EXOC6: variants seen among roughly 807,000 people sequenced by gnomAD.
EXOC6 encodes the protein SEC15-like 1.
EXOC6 carries 60 observed loss-of-function variants against 112.5 expected under a neutral mutation model. The observed-to-expected ratio is 0.53, with a 90% CI of 0.43 to 0.66. EXOC6 has a LOEUF of 0.66. Among genes scored for constraint, EXOC6 ranks in the 30% least tolerant of loss-of-function variants. The pLI is 0.00. For synonymous variants in EXOC6, 295 were observed against 308.0 expected, an observed-to-expected ratio of 0.96 and a Z score of 0.44; for missense variants, 855 against 957.1, an observed-to-expected ratio of 0.89 and a Z score of 1.41.
At chr10:92,874,249 G>A (rs887109813) in intron 1 of EXOC6, among the ~76,000 whole-genome samples, 2 of 151,990 alleles carry the variant, frequency 1.3e-5, no homozygotes, top group African/African-American at 4.8e-5. Flanking sequence ...CAATATTGTT[G>A]GTGTTGTGAA....
At chr10:92,946,189 A>G (rs1168310650) in intron 13 of EXOC6, among the ~76,000 whole-genome samples, 1 of 152,054 alleles carries the variant, frequency 6.6e-6, no homozygotes, top group Non-Finnish European at 1.5e-5. Context: ...CCAGCTGCTC[A>G]GGAGGCTGAG....
At chr10:93,010,726 C>T (rs1590035183) in intron 19 of EXOC6, among the ~76,000 whole-genome samples, 1 of 150,588 alleles carries the variant, frequency 6.6e-6, no homozygotes, top group Admixed American at 6.6e-5. Flanking sequence ...AAAATGGACT[C>T]GGCAACTTTT....
intron 5 of EXOC6, among the ~76,000 whole-genome samples, chr10:92,903,141 G>T (rs1850263173): frequency 6.6e-6 from 1 of 151,722 alleles, no homozygotes; most frequent in Admixed American, 6.6e-5. Context: ...AATATGATTT[G>T]AAAAATAGAC....
chr10:92,898,429 C>CAAA (rs11187205), intron 4 of EXOC6, among the ~76,000 whole-genome samples: 1 of 137,302 alleles, frequency 7.3e-6, no homozygotes, highest in Non-Finnish European at 1.6e-5. Flanking sequence ...GACCTTGTCT[C>CAAA]AAAAAAAAAA....
chr10:92,906,103 C>T (rs1377771006), intron 5 of EXOC6, among the ~76,000 whole-genome samples: 1 of 152,042 alleles, frequency 6.6e-6, no homozygotes, highest in Admixed American at 6.5e-5. Flanking sequence ...TTCGTTATCC[C>T]TAATAATTTT....
chr10:92,833,652 C>T (rs552529758), upstream of EXOC6, among the ~76,000 whole-genome samples: 10 of 151,946 alleles, frequency 6.6e-5, no homozygotes, highest in African/African-American at 2.4e-4. Context: ...GAACAAACGT[C>T]AATTTTTGGT....
intron 20 of EXOC6, among the ~76,000 whole-genome samples, chr10:93,052,607 A>G (rs1846351583): frequency 6.6e-6 from 1 of 152,232 alleles, no homozygotes; most frequent in Non-Finnish European, 1.5e-5. Flanking sequence ...ATTTCAGATA[A>G]TCTTACAAAT....
rs549156247 is a variant in EXOC6 at position 92,975,299 on chromosome 10, C to T, written c.1953+1067C>T. ...GAGGAGCGTCTCTGCTCGGCCGCCC[C>T]GTCTGAGAAGTGAGGAGACCCTCTG... On this transcript the variant is annotated intron_variant, in intron 18 of 21. Transcript: ENST00000260762. 3.3e-5 allele frequency among the ~76,000 whole-genome samples: 5 copies of T among 151,428 alleles called. No homozygotes were observed. The South Asian group carries it at 6.2e-4, about 19-fold the overall frequency.
chr10:92,940,588 A>G, intron 12 of EXOC6, 139 bp from the exon 13 acceptor site: 1 of 605,448 alleles, frequency 1.7e-6, no homozygotes, highest in Admixed American at 3.2e-5. Context: ...GTCAAAATGT[A>G]TCTTTTTTTT....
intron 1 of EXOC6, among the ~76,000 whole-genome samples, chr10:92,890,914 A>T (rs1849467739): frequency 1.3e-5 from 2 of 152,214 alleles, no homozygotes. Context: ...TTAGGTTTTA[A>T]TGGGACAATT....
intron 1 of EXOC6, among the ~76,000 whole-genome samples, chr10:92,871,452 T>C (rs912434934): frequency 3.3e-5 from 5 of 150,458 alleles, no homozygotes; most frequent in Admixed American, 6.6e-5. Flanking sequence ...TGAGCTGTGA[T>C]TGTGTTCCTG....
intron 1 of EXOC6, among the ~76,000 whole-genome samples, chr10:92,851,208 A>G (rs1847314871): frequency 1.3e-5 from 2 of 152,252 alleles, no homozygotes; most frequent in Non-Finnish European, 2.9e-5. Context: ...GAAATTCAGA[A>G]GAGTGGAAGA....
At chr10:92,887,680 C>T (rs1455791926) in intron 1 of EXOC6, among the ~76,000 whole-genome samples, 8 of 152,128 alleles carry the variant, frequency 5.3e-5, no homozygotes, top group Admixed American at 5.2e-4. Flanking sequence ...GCTGGGATTA[C>T]AGGAGTGAGC....
chr10:92,955,369 GGTGT>G (rs746305692), intron 16 of EXOC6, among the ~76,000 whole-genome samples: 2 of 147,352 alleles, frequency 1.4e-5, no homozygotes, highest in Non-Finnish European at 3.0e-5. Context: ...TTAGACTCTT[GGTGT>G]GTGTGTGTGT....
chr10:92,834,962 G>A, intron 1 of EXOC6: 1 of 450,796 alleles, frequency 2.2e-6, no homozygotes, highest in Non-Finnish European at 4.0e-6. Context: ...TAATCTCAAA[G>A]TTTTCTTATC....
intron 1 of EXOC6, among the ~76,000 whole-genome samples, chr10:92,849,628 A>G (rs902024806): frequency 1.3e-5 from 2 of 152,240 alleles, no homozygotes; most frequent in African/African-American, 4.8e-5. Context: ...TTCAGAATAC[A>G]CTTCCTAGAA....
chr10:92,908,500 T>C (rs553133487), intron 5 of EXOC6, among the ~76,000 whole-genome samples: 2 of 152,320 alleles, frequency 1.3e-5, no homozygotes, highest in Non-Finnish European at 1.5e-5. Context: ...TACTATGTAA[T>C]TAATTTTTAA....
chr10:92,982,576 G>A (rs1042181260), intron 18 of EXOC6, among the ~76,000 whole-genome samples: 6 of 152,120 alleles, frequency 3.9e-5, no homozygotes, highest in Non-Finnish European at 7.4e-5. Context: ...TTAAAATCAT[G>A]CTGTCAAAGA....
rs766076525 is a variant in EXOC6 at position 92,955,705 on chromosome 10, T to C, written c.1764T>C (p.Ser588=). ...TVHTTRLYGL[S]TFKDARHAAE... ...ATACTACAAGACTTTATGGACTTTC[T>C]ACTTTCAAGGTATGTAAAAATTTGA... The change falls in exon 17 of 22, where the codon TCT becomes TCC. Residue 588 remains serine, a synonymous_variant. Coordinates refer to ENST00000260762, the MANE Select transcript of EXOC6 (RefSeq NM_019053.6). 2.1e-5 allele frequency: 34 copies of C among 1,607,940 alleles called. No individual in the cohort carries two copies. The highest frequency in any genetic ancestry group is 2.8e-5 in the Non-Finnish European group (33 of 1,178,030).
Sources: allele counts gnomAD v4.1 joint callset (sites outside exome capture counted in the v4.1 genomes callset), GRCh38; gene constraint gnomAD v4.1.1; transcripts MANE v1.5; gene names NCBI Gene and HGNC (gene_info 2026-07-23, HGNC 2026-07-21).